The following ARHGAP29 variants were observed in gnomAD, a reference collection of about 807,000 sequenced individuals.
ARHGAP29 encodes Rho GTPase activating protein 29.
In ARHGAP29, 43 loss-of-function variants were observed where a neutral mutation model predicts 122.6. The observed-to-expected ratio is 0.35, with a 90% confidence interval of 0.27 to 0.45. The LOEUF (loss-of-function observed/expected upper bound fraction) is 0.45. Among genes scored for constraint, ARHGAP29 ranks in the 20% least tolerant of loss-of-function variants. The pLI is 1.00. For missense variants in ARHGAP29, 1,303 were observed against 1,477.2 expected (o/e 0.88, Z 1.93); for synonymous variants, 506 against 497.1 (o/e 1.02, Z -0.24).
intron 2 of ARHGAP29, among the ~76,000 whole-genome samples, chr1:94,223,617 A>T (rs893567367): frequency 1.3e-5 from 2 of 152,054 alleles, no homozygotes; most frequent in Admixed American, 1.3e-4. Context: ...ACATACATAT[A>T]TTTACATATA....
intron 1 of ARHGAP29, among the ~76,000 whole-genome samples, chr1:94,269,497 T>A (rs1654907449): frequency 6.6e-6 from 1 of 152,172 alleles, no homozygotes; most frequent in Non-Finnish European, 1.5e-5. Flanking sequence ...GATAGGACCA[T>A]CCATTTTGTC....
intron 22 of ARHGAP29, 36 bp downstream of exon 22, chr1:94,177,576 C>G (rs771938385): frequency 6.5e-7 from 1 of 1,531,750 alleles, no homozygotes; most frequent in South Asian, 1.2e-5. Flanking sequence ...AAATTTTAAG[C>G]CAGCAAACAT....
intron 22 of ARHGAP29, 79 bp from the exon 23 acceptor site, chr1:94,174,828 T>C: frequency 7.0e-7 from 1 of 1,430,470 alleles, no homozygotes; most frequent in Non-Finnish European, 9.5e-7. Flanking sequence ...ATGAACACTC[T>C]ATCAAGACAA....
chr1:94,281,930 C>G, the ARHGAP29 span, among the ~76,000 whole-genome samples: 10 of 152,142 alleles, frequency 6.6e-5, no homozygotes, highest in Non-Finnish European at 1.5e-4. Context: ...TTTGTTTGCA[C>G]TCCTCAGTAT....
chr1:94,178,996 T>C (rs1267855525), intron 20 of ARHGAP29, among the ~76,000 whole-genome samples: 35 of 152,202 alleles, frequency 2.3e-4, no homozygotes, highest in Admixed American at 2.3e-3. Flanking sequence ...CTATCTCCTC[T>C]GATTTATGCC....
At chr1:94,237,725 C>A (rs929311073), upstream of ARHGAP29, 59 of 985,388 alleles carry the variant, frequency 6.0e-5, no homozygotes, top group African/African-American at 9.6e-4. Flanking sequence ...AACTAGCTCG[C>A]GCGCAGAACG....
chr1:94,188,746 G>A, intron 15 of ARHGAP29, 91 bp downstream of exon 15: 1 of 1,071,990 alleles, frequency 9.3e-7, no homozygotes, highest in Middle Eastern at 2.1e-4. Flanking sequence ...ATGTGTGAAA[G>A]TTCACTATAA....
chr1:94,224,269 CT>C (rs1391465635), intron 2 of ARHGAP29, among the ~76,000 whole-genome samples: 1 of 152,146 alleles, frequency 6.6e-6, no homozygotes, highest in Non-Finnish European at 1.5e-5. Flanking sequence ...TTACACTGCC[CT>C]CTTTTTGAAA....
chr1:94,211,934 G>A (rs924036929), intron 3 of ARHGAP29, among the ~76,000 whole-genome samples: 2 of 151,326 alleles, frequency 1.3e-5, no homozygotes, highest in Admixed American at 1.3e-4. Context: ...TCCCTGGTGT[G>A]TGATGTTCCC....
chr1:94,304,960 A>T, the ARHGAP29 span, among the ~76,000 whole-genome samples: 2 of 152,268 alleles, frequency 1.3e-5, no homozygotes, highest in Non-Finnish European at 2.9e-5. Context: ...TGCTGATTAC[A>T]TTCTGAGAAA....
upstream of ARHGAP29, chr1:94,237,615 A>G: frequency 1.0e-6 from 1 of 986,460 alleles, no homozygotes; most frequent in Non-Finnish European, 1.2e-6. Flanking sequence ...AGCTACCGCC[A>G]CGGCCGCACC....
the ARHGAP29 span, among the ~76,000 whole-genome samples, chr1:94,313,923 A>C: frequency 6.6e-6 from 1 of 152,330 alleles, no homozygotes; most frequent in South Asian, 2.1e-4. Context: ...GGACTTGAAC[A>C]ATGAGAACAC....
At position 94,170,121 on chromosome 1, in the gene ARHGAP29, A is replaced by G. The variant is rs549788999; in HGVS notation, c.*3748T>C. On this transcript the variant is annotated 3_prime_UTR_variant, in exon 23 of 23. Transcript: ENST00000260526. ...GTGACAATTCGATGAGAAACAATAC[A>G]TTTACAATCTTTAAGAATCTCCTCA... 6.6e-6 allele frequency among the ~76,000 whole-genome samples: 1 copy of G among 152,326 alleles called. No homozygotes were observed. Among genetic ancestry groups the G allele is most frequent in the South Asian group, 2.1e-4 (1 of 4,820 alleles).
At chr1:94,181,468 A>T (rs1172456904) in intron 19 of ARHGAP29, among the ~76,000 whole-genome samples, 1 of 152,140 alleles carries the variant, frequency 6.6e-6, no homozygotes, top group Non-Finnish European at 1.5e-5. Context: ...AAATGTAGAG[A>T]TCCTGTGGCC....
In ARHGAP29 at chr1:94,210,602, C is replaced by G. The variant is rs377066221; in HGVS notation, c.341-1252G>C. ...CAGATTCTTCTAAATATCACTGATA[C>G]AAACAAAAAGAAAAAGTTACCATTG... is the stretch of plus-strand genomic sequence containing the variant. On this transcript the variant is annotated intron_variant, in intron 3 of 22. Coordinates refer to ENST00000260526, the MANE Select transcript of ARHGAP29 (RefSeq NM_004815.4). 1.8e-4 allele frequency among the ~76,000 whole-genome samples: 28 copies of G among 151,946 alleles called. No individual in the cohort carries two copies. In the South Asian group the frequency reaches 3.3e-3, roughly 18 times the overall value.
chr1:94,293,187 C>T, the ARHGAP29 span, among the ~76,000 whole-genome samples: 1 of 152,212 alleles, frequency 6.6e-6, no homozygotes, highest in African/African-American at 2.4e-5. Flanking sequence ...TCAGCAATGG[C>T]AGATTCCTCT....
At chr1:94,277,780 A>C (rs1322160029), upstream of ARHGAP29, among the ~76,000 whole-genome samples, 1 of 152,136 alleles carries the variant, frequency 6.6e-6, no homozygotes, top group Non-Finnish European at 1.5e-5. Flanking sequence ...TGATGGGAGG[A>C]AGAAAGGAAG....
intron 12 of ARHGAP29, among the ~76,000 whole-genome samples, chr1:94,199,237 T>C (rs1409498000): frequency 2.0e-5 from 3 of 151,570 alleles, no homozygotes; most frequent in Non-Finnish European, 2.9e-5. Flanking sequence ...ACTTAAAGCA[T>C]TAAAAAAAAA....
At chr1:94,292,376 G>A in the ARHGAP29 span, among the ~76,000 whole-genome samples, 6 of 152,208 alleles carry the variant, frequency 3.9e-5, no homozygotes, top group African/African-American at 1.4e-4. Flanking sequence ...AAGGTTTTTA[G>A]CTTCCTTGCG....
Sources: allele counts gnomAD v4.1 joint callset (sites outside exome capture counted in the v4.1 genomes callset), GRCh38; gene constraint gnomAD v4.1.1; transcripts MANE v1.5; gene names NCBI Gene and HGNC (gene_info 2026-07-23, HGNC 2026-07-21).